NTM: variants seen among roughly 807,000 people sequenced by gnomAD.
NTM encodes neurotrimin, also known as IgLON family member 2.
A neutral mutation model predicts 42.1 loss-of-function variants in NTM; 13 were observed. That is an observed-to-expected ratio of 0.31 (90% CI 0.20 to 0.49). NTM has a LOEUF of 0.49. Among genes scored for constraint, NTM ranks in the 20% least tolerant of loss-of-function variants. The pLI, the probability that NTM is intolerant of heterozygous loss-of-function variation, is 0.99. For missense variants in NTM, 373 were observed against 452.8 expected (o/e 0.82, Z 1.60); for synonymous variants, 187 against 179.2 (o/e 1.04, Z -0.35).
intron 5 of NTM, 31 bp downstream of exon 5, chr11:132,307,854 C>G (rs371677343): frequency 1.2e-6 from 2 of 1,607,650 alleles, no homozygotes; most frequent in South Asian, 1.1e-5. Flanking sequence ...GCGCCCTGCA[C>G]GTGCATCAGG....
chr11:131,459,599 A>G (rs1951196327), intron 1 of NTM, among the ~76,000 whole-genome samples: 1 of 152,242 alleles, frequency 6.6e-6, no homozygotes, highest in Non-Finnish European at 1.5e-5. Context: ...AAGTCCTATT[A>G]ACCTAACTCA....
At chr11:131,566,432 CGT>C (rs60357480) in intron 1 of NTM, among the ~76,000 whole-genome samples, 96,392 of 150,946 alleles carry the variant, frequency 0.64, 31,617 homozygotes, top group African/African-American at 0.8. Context: ...TCTCGATGTG[CGT>C]GTGTGTGTGT....
chr11:132,263,900 C>A (rs768718854), intron 4 of NTM, among the ~76,000 whole-genome samples: 1 of 152,156 alleles, frequency 6.6e-6, no homozygotes, highest in African/African-American at 2.4e-5. Flanking sequence ...ATATTTCTAC[C>A]AATATTATGT....
chr11:132,120,063 T>G (rs78725812), intron 2 of NTM, among the ~76,000 whole-genome samples: 1 of 152,156 alleles, frequency 6.6e-6, no homozygotes. Flanking sequence ...AGGACCCCCG[T>G]CTGAGCCCCC....
chr11:131,530,181 C>T (rs1565605719), intron 1 of NTM, among the ~76,000 whole-genome samples: 1 of 152,112 alleles, frequency 6.6e-6, no homozygotes, highest in Non-Finnish European at 1.5e-5. Flanking sequence ...CATCTGAGAC[C>T]CTCTGGTGCC....
chr11:131,404,843 C>G (rs181573095), intron 1 of NTM, among the ~76,000 whole-genome samples: 1 of 152,246 alleles, frequency 6.6e-6, no homozygotes, highest in East Asian at 1.9e-4. Flanking sequence ...ATTTAAAATT[C>G]CTTCAAAAAT....
At position 131,920,248 on chromosome 11, in the gene NTM, T is replaced by C. The variant is rs116249866; in HGVS notation, c.167+8600T>C. Reference sequence around the variant, plus strand: ...AAACAGGGTCTGGGATAACATGTGTTGGGGAAGAGGTAGTTTAAGACTCTC... The same window carrying C: ...AAACAGGGTCTGGGATAACATGTGTCGGGGAAGAGGTAGTTTAAGACTCTC... On this transcript the variant is annotated intron_variant, in intron 2 of 8. Transcript: ENST00000683400. Among the ~76,000 whole-genome samples the C allele has an allele frequency of 5.9e-3, 894 of 152,284 alleles. 10 individuals carry two copies. The highest frequency in any genetic ancestry group is 0.02 in the African/African-American group (846 of 41,560).
At chr11:131,994,951 G>T (rs2067715968) in intron 2 of NTM, among the ~76,000 whole-genome samples, 2 of 151,926 alleles carry the variant, frequency 1.3e-5, no homozygotes, top group Non-Finnish European at 2.9e-5. Context: ...CTCATTGTTT[G>T]CAGTTTATTT....
chr11:131,505,636 A>C (rs1343358184), intron 1 of NTM, among the ~76,000 whole-genome samples: 1 of 152,202 alleles, frequency 6.6e-6, no homozygotes, highest in Non-Finnish European at 1.5e-5. Flanking sequence ...CCCAGATATC[A>C]GTCCTTCACC....
chr11:131,484,974 T>G (rs918012917), intron 1 of NTM, among the ~76,000 whole-genome samples: 4 of 152,164 alleles, frequency 2.6e-5, no homozygotes, highest in Non-Finnish European at 5.9e-5. Flanking sequence ...GATTTTATAC[T>G]TGAAAAATGG....
chr11:131,382,559 T>C (rs1048295243), intron 1 of NTM, among the ~76,000 whole-genome samples: 1 of 152,144 alleles, frequency 6.6e-6, no homozygotes, highest in Non-Finnish European at 1.5e-5. Flanking sequence ...TCCTAATGAA[T>C]CTATGTGGAA....
intron 1 of NTM, among the ~76,000 whole-genome samples, chr11:131,597,080 G>A (rs1202223010): frequency 6.6e-6 from 1 of 152,018 alleles, no homozygotes; most frequent in East Asian, 1.9e-4. Flanking sequence ...ATTAAGGGAG[G>A]GTCTGCCTTT....
intron 1 of NTM, chr11:131,796,275 C>G (rs754550289): frequency 1.3e-5 from 8 of 633,244 alleles, no homozygotes; most frequent in Non-Finnish European, 1.6e-5. Flanking sequence ...GGAGTAGAGG[C>G]TGCTGCCTGC....
intron 1 of NTM, among the ~76,000 whole-genome samples, chr11:131,389,625 C>T (rs56261153): frequency 0.039 from 5,911 of 152,244 alleles, 158 homozygotes; most frequent in Middle Eastern, 0.088. Context: ...AAGCAGTTTT[C>T]GGCTTATTTT....
intron 2 of NTM, among the ~76,000 whole-genome samples, chr11:132,004,637 C>T (rs1175718133): frequency 6.9e-6 from 1 of 144,858 alleles, no homozygotes; most frequent in South Asian, 2.1e-4. Context: ...CTCTCTCTCA[C>T]ACACACACAC....
At chr11:131,907,892 G>A (rs958803845) in intron 1 of NTM, among the ~76,000 whole-genome samples, 1 of 152,202 alleles carries the variant, frequency 6.6e-6, no homozygotes, top group Non-Finnish European at 1.5e-5. Context: ...GAAGTGAGTT[G>A]ACATATGATT....
At chr11:131,669,576 G>A (rs906571537) in intron 1 of NTM, among the ~76,000 whole-genome samples, 1 of 152,144 alleles carries the variant, frequency 6.6e-6, no homozygotes, top group African/African-American at 2.4e-5. Context: ...ACAGGTGAGG[G>A]GGGAGGGCAA....
At chr11:131,804,975 A>G (rs1259416277) in intron 1 of NTM, among the ~76,000 whole-genome samples, 2 of 152,192 alleles carry the variant, frequency 1.3e-5, no homozygotes, top group African/African-American at 4.8e-5. Context: ...AAGGGATGAC[A>G]TCAGGCATTA....
intron 4 of NTM, among the ~76,000 whole-genome samples, chr11:132,292,704 G>A (rs1400166080): frequency 6.7e-6 from 1 of 149,214 alleles, no homozygotes; most frequent in South Asian, 2.1e-4. Context: ...AGGGAGGGAG[G>A]CGAAGGAGTT....
Sources: allele counts gnomAD v4.1 joint callset (sites outside exome capture counted in the v4.1 genomes callset), GRCh38; gene constraint gnomAD v4.1.1; transcripts MANE v1.5; gene names NCBI Gene and HGNC (gene_info 2026-07-23, HGNC 2026-07-21).